GPC6: variants seen among roughly 807,000 people sequenced by gnomAD.
The protein encoded by GPC6 is glypican-6.
In GPC6, 14 loss-of-function variants were observed where a neutral mutation model predicts 55.2. The observed-to-expected ratio is 0.25, with a 90% CI of 0.17 to 0.40. The LOEUF (loss-of-function observed/expected upper bound fraction) is 0.40. GPC6 is among the 10% of genes least tolerant of loss of function. The probability of loss-of-function intolerance (pLI) is 1.00; values close to 1 mark genes in which losing one functional copy is unlikely to be tolerated. For missense variants in GPC6, 641 were observed against 708.5 expected, an observed-to-expected ratio of 0.90 and a Z score of 1.08; for synonymous variants, 278 against 259.6, an observed-to-expected ratio of 1.07 and a Z score of -0.68.
chr13:93,560,504 A>G (rs117143466), intron 2 of GPC6, among the ~76,000 whole-genome samples: 2,712 of 152,190 alleles, frequency 0.018, 51 homozygotes, highest in Middle Eastern at 0.1. Context: ...TGGGCAACAG[A>G]GTGAGACCCT....
intron 3 of GPC6, among the ~76,000 whole-genome samples, chr13:93,951,978 C>G (rs926778992): frequency 3.9e-5 from 6 of 152,098 alleles, no homozygotes; most frequent in Non-Finnish European, 7.4e-5. Context: ...TTCTTTCATA[C>G]AAACAACATG....
At chr13:94,009,827 C>T (rs780887239) in intron 3 of GPC6, among the ~76,000 whole-genome samples, 56 of 152,106 alleles carry the variant, frequency 3.7e-4, no homozygotes, top group Non-Finnish European at 5.9e-4. Flanking sequence ...GAAGAAAGTA[C>T]CATTTTTCCA....
intron 3 of GPC6, among the ~76,000 whole-genome samples, chr13:93,957,249 T>A (rs1879550248): frequency 6.6e-6 from 1 of 152,152 alleles, no homozygotes. Flanking sequence ...GCTTTTATTG[T>A]TATTTTTAAT....
intron 4 of GPC6, among the ~76,000 whole-genome samples, chr13:94,063,443 G>A (rs1884406167): frequency 6.6e-6 from 1 of 152,130 alleles, no homozygotes; most frequent in Non-Finnish European, 1.5e-5. Context: ...AGATTCTATT[G>A]CCTGAGACTG....
intron 1 of GPC6, among the ~76,000 whole-genome samples, chr13:93,396,533 A>T (rs1356255903): frequency 2.0e-5 from 3 of 151,934 alleles, no homozygotes; most frequent in African/African-American, 7.3e-5. Context: ...TGGGCATGAT[A>T]CTCCAGCCCG....
At chr13:93,577,085 T>C (rs963752724) in intron 2 of GPC6, among the ~76,000 whole-genome samples, 5 of 152,140 alleles carry the variant, frequency 3.3e-5, no homozygotes, top group South Asian at 2.1e-4. Flanking sequence ...CATGAGTCCA[T>C]TGAGTATGAG....
At chr13:93,872,368 A>T (rs1008230181) in intron 3 of GPC6, among the ~76,000 whole-genome samples, 1 of 152,014 alleles carries the variant, frequency 6.6e-6, no homozygotes, top group African/African-American at 2.4e-5. Flanking sequence ...TGTAACCTGT[A>T]TTCTCATAAA....
intron 4 of GPC6, among the ~76,000 whole-genome samples, chr13:94,232,705 G>A (rs948306706): frequency 6.6e-6 from 1 of 152,040 alleles, no homozygotes; most frequent in Non-Finnish European, 1.5e-5. Context: ...ATTCTGTAAT[G>A]GCCCATAAAT....
At chr13:93,726,454 T>TG (rs1244595328) in intron 2 of GPC6, among the ~76,000 whole-genome samples, 1 of 152,158 alleles carries the variant, frequency 6.6e-6, no homozygotes, top group Non-Finnish European at 1.5e-5. Context: ...GTGTTGACCT[T>TG]GTCCACATAT....
At chr13:93,790,359 A>T (rs1157925143) in intron 2 of GPC6, among the ~76,000 whole-genome samples, 1 of 152,222 alleles carries the variant, frequency 6.6e-6, no homozygotes, top group Non-Finnish European at 1.5e-5. Flanking sequence ...TGGACACTAC[A>T]GATTCCTGTA....
rs1347653691 is a variant in GPC6 at position 93,924,691 on chromosome 13, C to A, written c.711+94146C>A. On this transcript the variant is annotated intron_variant, in intron 3 of 8. Coordinates refer to ENST00000377047, the MANE Select transcript of GPC6 (RefSeq NM_005708.5). ...TTGATTTCTTTTATCTTTTTTCTTT[C>A]TTTTCTTTTTTTTTTTTTTTTGGTA... is the stretch of plus-strand genomic sequence containing the variant. Among the ~76,000 whole-genome samples, 4 of 119,072 alleles carry A rather than the reference C, an allele frequency of 3.4e-5. No individual in the cohort carries two copies. In the South Asian group the frequency reaches 1.1e-3, roughly 33 times the overall value. The allele number at this position is 119,072 out of a possible 152,430, so 78.1% of individuals were successfully genotyped here. A position where few individuals can be genotyped will look rare whatever the true frequency, so the allele number is the denominator to read the frequency against.
At chr13:93,477,012 A>C (rs1879325090) in intron 1 of GPC6, among the ~76,000 whole-genome samples, 1 of 152,156 alleles carries the variant, frequency 6.6e-6, no homozygotes, top group African/African-American at 2.4e-5. Context: ...ATCAGTGTTC[A>C]TTATTTTATA....
chr13:94,120,940 C>T (rs1886609000), intron 4 of GPC6, among the ~76,000 whole-genome samples: 1 of 152,080 alleles, frequency 6.6e-6, no homozygotes, highest in Non-Finnish European at 1.5e-5. Flanking sequence ...GTTCTCTGGG[C>T]TTCAAGCATT....
chr13:93,940,721 G>C (rs543949573), intron 3 of GPC6, among the ~76,000 whole-genome samples: 1 of 152,216 alleles, frequency 6.6e-6, no homozygotes, highest in East Asian at 1.9e-4. Context: ...TGAGAATATT[G>C]AGAGTCCGTT....
chr13:93,942,870 G>T (rs1878804654), intron 3 of GPC6, among the ~76,000 whole-genome samples: 1 of 152,136 alleles, frequency 6.6e-6, no homozygotes, highest in South Asian at 2.1e-4. Context: ...GCTAATGGAA[G>T]GCTATTCTGT....
intron 6 of GPC6, among the ~76,000 whole-genome samples, chr13:94,351,962 CAAAAAAAAAAA>C (rs60206836): frequency 9.8e-6 from 1 of 101,550 alleles, no homozygotes; most frequent in Admixed American, 9.9e-5. Context: ...GAGAAGAAGG[CAAAAAAAAAAA>C]AAAAAAAAAG....
rs118110153 is a variant in GPC6 at position 93,892,894 on chromosome 13, A to T, written c.711+62349A>T. Among the ~76,000 whole-genome samples, 135 of 152,300 alleles carry T rather than the reference A, an allele frequency of 8.9e-4. No individual in the cohort carries two copies. In the East Asian group the frequency reaches 0.024, roughly 27 times the overall value. ...TCATAATCATGTGCAAACATGTGTG[A>T]ACATATTTATGATTGTTTAGGGAAA... On this transcript the variant is annotated intron_variant, in intron 3 of 8. Transcript: ENST00000377047.
chr13:93,259,091 T>G (rs1424705945), intron 1 of GPC6, among the ~76,000 whole-genome samples: 2 of 152,222 alleles, frequency 1.3e-5, no homozygotes, highest in Non-Finnish European at 2.9e-5. Flanking sequence ...GTAGGGTTAT[T>G]GATTACTTTT....
At chr13:93,633,824 C>T (rs1879584595) in intron 2 of GPC6, among the ~76,000 whole-genome samples, 1 of 152,006 alleles carries the variant, frequency 6.6e-6, no homozygotes, top group South Asian at 2.1e-4. Flanking sequence ...GAAATTTTTG[C>T]AGGAGCTGCC....
Sources: gnomAD v4.1 joint callset for allele counts (sites outside exome capture counted in the v4.1 genomes callset) on GRCh38, gnomAD v4.1.1 for gene constraint, MANE v1.5 for transcripts, NCBI Gene and HGNC (gene_info 2026-07-23, HGNC 2026-07-21) for gene names.